Variants in TSPEAR observed in about 807,000 individuals in gnomAD.
The protein encoded by TSPEAR is thrombospondin-type laminin G domain and EAR repeat-containing protein.
In TSPEAR, 69 loss-of-function variants were observed where a neutral mutation model predicts 71.6. The observed-to-expected ratio is 0.96, with a 90% CI of 0.79 to 1.18. The LOEUF (loss-of-function observed/expected upper bound fraction) is 1.18. TSPEAR is among the 50% of genes most tolerant of loss of function. TSPEAR has a pLI of 0.00. For synonymous variants in TSPEAR, 402 were observed against 387.2 expected (o/e 1.04, Z -0.45); for missense variants, 971 against 894.9 (o/e 1.09, Z -1.09).
intron 9 of TSPEAR, chr21:44,518,669 C>T (rs2052663708): frequency 2.1e-6 from 1 of 470,794 alleles, no homozygotes; most frequent in African/African-American, 2.0e-5. Context: ...AGGCCCGCCC[C>T]CTGCCCCCCA....
intron 11 of TSPEAR, among the ~76,000 whole-genome samples, chr21:44,503,619 G>C (rs1158800356): frequency 2.1e-5 from 3 of 139,738 alleles, no homozygotes; most frequent in Non-Finnish European, 4.6e-5. Context: ...GGCGCTGGGA[G>C]GAGGCCGGCC....
chr21:44,697,392 G>C lies in TSPEAR; in HGVS notation c.82+14041C>G, dbSNP rs200968568. ...AGCCGTGTATCCAGCCCCTGCTGCC[G>C]AGTGACCTGTGAGCCCAGCCCCTGC... On this transcript the variant is annotated intron_variant, in intron 1 of 11. Transcript: ENST00000323084. The C allele has an allele frequency of 3.1e-4, 504 of 1,607,202 alleles. 2 individuals are homozygous for C. In the African/African-American group the frequency reaches 5.4e-3, roughly 17 times the overall value.
chr21:44,522,141 G>A (rs2052747827), intron 8 of TSPEAR, 29 bp from the exon 9 acceptor site: 4 of 1,604,170 alleles, frequency 2.5e-6, no homozygotes, highest in African/African-American at 1.3e-5. Flanking sequence ...GCTGGGGGCA[G>A]GGAGGCAGAT....
rs200799981 is a variant in TSPEAR at position 44,551,263 on chromosome 21, C to T, written c.303+16522G>A. The T allele has an allele frequency of 4.5e-4, 719 of 1,613,402 alleles. No homozygotes were observed. Among genetic ancestry groups the T allele is most frequent in the Non-Finnish European group, 5.6e-4 (661 of 1,179,920 alleles). On this transcript the variant is annotated intron_variant, in intron 2 of 11. Transcript: ENST00000323084. Reference sequence around the variant, plus strand: ...GAGCTGGTGCAGCCTGATTGGCAGGCGCTGGGCTCACAGGCCGCCTGGCAG... The same window carrying T: ...GAGCTGGTGCAGCCTGATTGGCAGGTGCTGGGCTCACAGGCCGCCTGGCAG...
intron 1 of TSPEAR, chr21:44,613,078 G>C: frequency 1.3e-6 from 1 of 772,494 alleles, no homozygotes. Context: ...CCTTCCAGCA[G>C]GTGCCCACCT....
At chr21:44,569,656 A>G (rs1398632018) in intron 1 of TSPEAR, among the ~76,000 whole-genome samples, 4 of 152,174 alleles carry the variant, frequency 2.6e-5, no homozygotes, top group Non-Finnish European at 5.9e-5. Flanking sequence ...CTATTTATGC[A>G]ATTAAACACA....
intron 1 of TSPEAR, among the ~76,000 whole-genome samples, chr21:44,657,140 G>C (rs1555942686): frequency 1.3e-5 from 2 of 151,836 alleles, no homozygotes; most frequent in African/African-American, 4.8e-5. Flanking sequence ...CCACCCACCA[G>C]CACCCCCATT....
intron 1 of TSPEAR, among the ~76,000 whole-genome samples, chr21:44,689,505 T>TA (rs797025291): frequency 0.021 from 2,480 of 117,392 alleles, 59 homozygotes; most frequent in African/African-American, 0.072. Flanking sequence ...CCATCTCGAA[T>TA]AAAAAAAAAA....
At chr21:44,637,132 G>A (rs1353961222) in intron 1 of TSPEAR, among the ~76,000 whole-genome samples, 2 of 152,274 alleles carry the variant, frequency 1.3e-5, no homozygotes, top group Non-Finnish European at 2.9e-5. Context: ...TTCCCTCCTG[G>A]TGTTCCCGGG....
At chr21:44,584,000 C>T (rs1043070521) in intron 1 of TSPEAR, among the ~76,000 whole-genome samples, 1 of 152,190 alleles carries the variant, frequency 6.6e-6, no homozygotes, top group African/African-American at 2.4e-5. Context: ...TGTATCCTGT[C>T]ATCAACATCA....
At chr21:44,679,774 A>T (rs1986491331) in intron 1 of TSPEAR, among the ~76,000 whole-genome samples, 1 of 152,226 alleles carries the variant, frequency 6.6e-6, no homozygotes. Flanking sequence ...GGTGCCAAGA[A>T]CATACAATAG....
intron 1 of TSPEAR, among the ~76,000 whole-genome samples, chr21:44,704,755 G>A (rs1219264925): frequency 1.3e-5 from 2 of 152,172 alleles, no homozygotes; most frequent in Non-Finnish European, 2.9e-5. Context: ...TCAGCCATGC[G>A]CTGCCTCCAC....
intron 1 of TSPEAR, chr21:44,647,305 T>G: frequency 1.2e-6 from 2 of 1,613,744 alleles, no homozygotes; most frequent in Non-Finnish European, 1.7e-6. Flanking sequence ...CCCCGCAAGC[T>G]CCCGCCTGGC....
chr21:44,557,945 GC>G, intron 2 of TSPEAR: 1 of 1,298,260 alleles, frequency 7.7e-7, no homozygotes, highest in Admixed American at 2.5e-5. Context: ...GGCTGGAGGT[GC>G]AGTGGCTATG....
intron 2 of TSPEAR, chr21:44,539,943 C>T (rs2053183900): frequency 1.2e-6 from 2 of 1,613,686 alleles, no homozygotes; most frequent in Non-Finnish European, 1.7e-6. Context: ...CTGGTGCAGC[C>T]TGATTGGCAG....
intron 1 of TSPEAR, among the ~76,000 whole-genome samples, chr21:44,588,976 A>T (rs1157535037): frequency 3.9e-5 from 6 of 152,076 alleles, no homozygotes; most frequent in Admixed American, 2.0e-4. Flanking sequence ...TAAGAATGAC[A>T]CAATGGACTT....
In TSPEAR at chr21:44,529,891, T is replaced by C. The variant is rs781921091; in HGVS notation, c.697A>G (p.Arg233Gly). ...GACAGCACCGCCAGCGGGGCGTTCC[T>C]GCTGGGACACAGCCTTGGGGTGGCG... ...SDATPRLCPS[R>G]NAPLAVLSIP... Residue 233 changes from arginine to glycine, a missense_variant, in exon 5 of 12, where the codon AGG becomes GGG. Arg to Gly is a moderately radical substitution (Grantham distance 125). Coordinates refer to ENST00000323084, the MANE Select transcript of TSPEAR (RefSeq NM_144991.3). The C allele has an allele frequency of 5.6e-6, 9 of 1,613,226 alleles. No homozygotes were observed. The highest frequency in any genetic ancestry group is 1.3e-5 in the African/African-American group (1 of 75,050).
At chr21:44,514,819 C>T (rs1052780633) in intron 9 of TSPEAR, among the ~76,000 whole-genome samples, 10 of 152,134 alleles carry the variant, frequency 6.6e-5, no homozygotes, top group African/African-American at 1.9e-4. Flanking sequence ...TGAGGGCAGG[C>T]GGAAGAATGG....
At chr21:44,521,859 C>A (rs587662546) in intron 9 of TSPEAR, 24 bp downstream of exon 9, 3 of 1,604,678 alleles carry the variant, frequency 1.9e-6, no homozygotes, top group African/African-American at 1.3e-5. Flanking sequence ...AATGGAGAGC[C>A]GGGGCTCATG....
Sources: gnomAD v4.1 joint callset for allele counts (sites outside exome capture counted in the v4.1 genomes callset) on GRCh38, gnomAD v4.1.1 for gene constraint, MANE v1.5 for transcripts, NCBI Gene and HGNC (gene_info 2026-07-23, HGNC 2026-07-21) for gene names.